Variants in MTTP observed in about 807,000 individuals in gnomAD.
The protein encoded by MTTP is microsomal triglyceride transfer protein, also known as microsomal triglyceride transfer protein large subunit.
A neutral mutation model predicts 90.6 loss-of-function variants in MTTP; 49 were observed. The observed-to-expected ratio is 0.54, with a 90% CI of 0.43 to 0.69. The LOEUF (loss-of-function observed/expected upper bound fraction) is 0.69, where lower values mean the gene tolerates loss of function less well. Among genes scored for constraint, MTTP ranks in the 30% least tolerant of loss-of-function variants. The pLI, the probability that MTTP is intolerant of heterozygous loss-of-function variation, is 0.00. For synonymous variants in MTTP, 347 were observed against 384.2 expected, an observed-to-expected ratio of 0.90 and a Z score of 1.13; for missense variants, 945 against 1,067.5, an observed-to-expected ratio of 0.89 and a Z score of 1.60.
chr4:99,591,723 C>T lies in MTTP; in HGVS notation c.691C>T (p.Leu231Phe). The part of the protein sequence containing the change: ...KIEDSFVIAV[L>F]AEETHNFGLN... ...AGAAGACAGCTTTGTTATAGCTGTGCTTGCTGAAGAAACACACAATTTTGG... is the reference window on the plus strand; with the variant it reads ...AGAAGACAGCTTTGTTATAGCTGTGTTTGCTGAAGAAACACACAATTTTGG... Residue 231 changes from leucine (L) to phenylalanine (F), a missense_variant, in exon 6 of 18, where the codon CTT (leucine) becomes TTT (phenylalanine). Physicochemically the swap from Leu to Phe is conservative, Grantham distance 22 (BLOSUM62 0). Transcript: ENST00000265517. 6.2e-7 allele frequency: 1 copy of T among 1,612,696 alleles called. No homozygotes were observed. The highest frequency in any genetic ancestry group is 1.1e-5 in the South Asian group (1 of 91,008).
intron 6 of MTTP, among the ~76,000 whole-genome samples, chr4:99,594,053 A>C (rs1449538882): frequency 6.6e-6 from 1 of 152,204 alleles, no homozygotes. Context: ...GAGGCTCCTC[A>C]TGCAACTATC....
rs115807483 is a variant in MTTP at position 99,623,127 on chromosome 4, C to G, written c.*279C>G. 8,384 of 452,524 alleles carry G rather than the reference C, an allele frequency of 0.019. 104 individuals carry two copies. The highest frequency in any genetic ancestry group is 0.024 in the Admixed American group (687 of 28,718). 28.0% of individuals were successfully genotyped at this position (452,524 alleles called of 1,614,324 possible). A position where few individuals can be genotyped will look rare whatever the true frequency, so the allele number is the denominator to read the frequency against. ...TTGGTACAGTCAGAATAGTTATTCT[C>G]TAAGAGGAAACTAGTGTTTGTTAAA... On this transcript the variant is annotated 3_prime_UTR_variant, in exon 18 of 18. Transcript: ENST00000265517.
At position 99,589,679 on chromosome 4, in the gene MTTP, G is replaced by C. The variant is rs1249405862; in HGVS notation, c.430G>C (p.Ala144Pro). The change falls in exon 4 of 18, where the codon GCC becomes CCC. Residue 144 changes from alanine to proline, a missense_variant. By Grantham distance (27) the Ala-to-Pro change is conservative. Transcript: ENST00000265517. ...EFYSYQNEAVAIENIKRGLAS... is the reference protein window; with the variant it reads ...EFYSYQNEAVPIENIKRGLAS... ...CTACTCATATCAAAATGAGGCAGTG[G>C]CCATAGAAAATATCAAGAGAGGTCT... 6 of 1,609,972 alleles carry C rather than the reference G, an allele frequency of 3.7e-6. No individual in the cohort carries two copies. In the African/African-American group the frequency reaches 8.0e-5, roughly 22 times the overall value.
rs772185759 is a variant in MTTP at position 99,611,326 on chromosome 4, C to T, written c.1868-6C>T. 8.1e-6 allele frequency: 13 copies of T among 1,614,068 alleles called. No homozygotes were observed. The East Asian group carries it at 8.9e-5, about 11-fold the overall frequency. On this transcript the variant is annotated splice_region_variant and splice_polypyrimidine_tract_variant and intron_variant, in intron 13 of 17. Transcript: ENST00000265517. ...CTATTAAATTACAGTTATTGTGTGTCATCAGGTAGTCCCCGTTCGGCATCT... is the reference window on the plus strand; with the variant it reads ...CTATTAAATTACAGTTATTGTGTGTTATCAGGTAGTCCCCGTTCGGCATCT...
At chr4:99,574,809 G>A (rs763981099), upstream of MTTP, 9 of 1,611,526 alleles carry the variant, frequency 5.6e-6, no homozygotes, top group Non-Finnish European at 7.6e-6. Context: ...ATTGTTGCAG[G>A]TTCTGAAGAG....
intron 4 of MTTP, among the ~76,000 whole-genome samples, chr4:99,590,568 A>G (rs950044866): frequency 7.9e-5 from 12 of 152,122 alleles, no homozygotes; most frequent in African/African-American, 2.9e-4. Flanking sequence ...ACTGAATTCA[A>G]CCAGCCCATG....
upstream of MTTP, chr4:99,574,578 G>T (rs1724907930): frequency 4.6e-6 from 2 of 437,102 alleles, no homozygotes; most frequent in Non-Finnish European, 8.5e-6. Context: ...TTCTTTGAAT[G>T]CCCCTCAGTA....
intron 3 of MTTP, chr4:99,583,782 A>C (rs1725186958): frequency 1.8e-6 from 1 of 570,058 alleles, no homozygotes; most frequent in Non-Finnish European, 3.1e-6. Context: ...GATGAAAGGC[A>C]TTATTAAAAG....
intron 17 of MTTP, 119 bp downstream of exon 17, chr4:99,621,350 T>G: frequency 1.5e-6 from 2 of 1,308,130 alleles, no homozygotes; most frequent in East Asian, 4.6e-5. Flanking sequence ...CAGGGAAAGA[T>G]GAATTTTCTT....
upstream of MTTP, chr4:99,570,968 G>A (rs1724828587): frequency 3.2e-6 from 1 of 313,818 alleles, no homozygotes; most frequent in Non-Finnish European, 6.4e-6. Context: ...ACCTCCAAGA[G>A]TATAAGACAA....
At chr4:99,591,177 T>C in intron 4 of MTTP, 58 bp from the exon 5 acceptor site, 1 of 1,285,192 alleles carries the variant, frequency 7.8e-7, no homozygotes, top group South Asian at 1.2e-5. Context: ...CACTTCTCAC[T>C]AGAATTCAAA....
At chr4:99,576,438 G>A (rs1387745464) in intron 1 of MTTP, among the ~76,000 whole-genome samples, 1 of 152,054 alleles carries the variant, frequency 6.6e-6, no homozygotes, top group Non-Finnish European at 1.5e-5. Context: ...GCTCACGCCT[G>A]TAATCCCAGC....
chr4:99,605,395 A>C (rs1384476937), intron 10 of MTTP, among the ~76,000 whole-genome samples: 1 of 152,140 alleles, frequency 6.6e-6, no homozygotes, highest in African/African-American at 2.4e-5. Context: ...AATATTCCCT[A>C]CATAGAGATC....
At chr4:99,610,056 C>G (rs1038437229) in intron 12 of MTTP, among the ~76,000 whole-genome samples, 1 of 152,030 alleles carries the variant, frequency 6.6e-6, no homozygotes, top group Non-Finnish European at 1.5e-5. Flanking sequence ...GTCTCAGAAC[C>G]AAAAACATTA....
intron 10 of MTTP, 36 bp from the exon 11 acceptor site, chr4:99,606,712 T>C (rs772976491): frequency 1.9e-6 from 3 of 1,591,628 alleles, no homozygotes; most frequent in Admixed American, 3.3e-5. Context: ...CTTCAATGTA[T>C]GGTCATGCAT....
At chr4:99,592,313 CTT>C (rs1725446581) in intron 6 of MTTP, among the ~76,000 whole-genome samples, 1 of 152,174 alleles carries the variant, frequency 6.6e-6, no homozygotes, top group Non-Finnish European at 1.5e-5. Flanking sequence ...ACACTGTACA[CTT>C]ATGCTACGCT....
At chr4:99,582,548 C>A (rs1725145992) in intron 2 of MTTP, among the ~76,000 whole-genome samples, 2 of 152,048 alleles carry the variant, frequency 1.3e-5, no homozygotes, top group African/African-American at 4.8e-5. Flanking sequence ...AGGAAGGAAC[C>A]AAGTACTCCC....
At chr4:99,580,080 C>G (rs916774391) in intron 1 of MTTP, among the ~76,000 whole-genome samples, 1 of 147,978 alleles carries the variant, frequency 6.8e-6, no homozygotes, top group Admixed American at 6.8e-5. Context: ...AAGAAACTTT[C>G]TCTGCCTTTC....
chr4:99,620,870 C>T, intron 16 of MTTP, 191 bp from the exon 17 acceptor site: 1 of 604,462 alleles, frequency 1.7e-6, no homozygotes, highest in Non-Finnish European at 2.9e-6. Context: ...CTTCCCTGCC[C>T]AATATCTGAG....
Sources: allele counts gnomAD v4.1 joint callset (sites outside exome capture counted in the v4.1 genomes callset), GRCh38; gene constraint gnomAD v4.1.1; transcripts MANE v1.5; gene names NCBI Gene and HGNC (gene_info 2026-07-23, HGNC 2026-07-21).